Variants in CLVS1 observed in about 807,000 individuals in gnomAD.
CLVS1 encodes the protein clavesin 1.
In CLVS1, 10 loss-of-function variants were observed where a neutral mutation model predicts 33.1. The observed-to-expected ratio is 0.30, with a 90% CI of 0.19 to 0.51. The LOEUF is 0.51. CLVS1 is among the 20% of genes least tolerant of loss of function. CLVS1 has a pLI of 0.97. For missense variants in CLVS1, 343 were observed against 433.4 expected, an observed-to-expected ratio of 0.79 and a Z score of 1.85; for synonymous variants, 163 against 166.1, an observed-to-expected ratio of 0.98 and a Z score of 0.14.
chr8:61,089,480 T>C (rs764531935), intron 1 of CLVS1, among the ~76,000 whole-genome samples: 1 of 152,210 alleles, frequency 6.6e-6, no homozygotes, highest in Non-Finnish European at 1.5e-5. Context: ...ACCTGGTTTA[T>C]TATTTTTTTC....
upstream of CLVS1, among the ~76,000 whole-genome samples, chr8:61,055,526 T>C (rs534537968): frequency 6.6e-6 from 1 of 152,370 alleles, no homozygotes; most frequent in African/African-American, 2.4e-5. Context: ...GTGAGGTATA[T>C]TCTTGGTGCC....
chr8:61,035,391 T>G, the CLVS1 span, among the ~76,000 whole-genome samples: 2 of 152,154 alleles, frequency 1.3e-5, no homozygotes, highest in South Asian at 2.1e-4. Flanking sequence ...GGTAAAATGA[T>G]GAGAAGACAC....
At chr8:61,059,638 C>G (rs1457056801) in intron 1 of CLVS1, among the ~76,000 whole-genome samples, 1 of 150,954 alleles carries the variant, frequency 6.6e-6, no homozygotes, top group Non-Finnish European at 1.5e-5. Flanking sequence ...GGTGAAACCC[C>G]ATGTCTACTA....
upstream of CLVS1, among the ~76,000 whole-genome samples, chr8:61,284,289 C>T (rs138641372): frequency 0.011 from 1,633 of 152,258 alleles, 11 homozygotes; most frequent in Non-Finnish European, 0.018. Context: ...TGAATAAGTT[C>T]TGGTGTTCCA....
At chr8:61,113,220 G>C (rs1348524405) in intron 1 of CLVS1, among the ~76,000 whole-genome samples, 1 of 152,184 alleles carries the variant, frequency 6.6e-6, no homozygotes, top group Non-Finnish European at 1.5e-5. Context: ...ACATGGGGCG[G>C]GGAGTTGTGG....
intron 2 of CLVS1, among the ~76,000 whole-genome samples, chr8:61,217,541 A>G (rs1308920445): frequency 6.6e-6 from 1 of 152,220 alleles, no homozygotes; most frequent in Non-Finnish European, 1.5e-5. Flanking sequence ...TTAAACGTGT[A>G]TTATGTTCTA....
chr8:61,432,709 T>A (rs1049287301), intron 3 of CLVS1, among the ~76,000 whole-genome samples: 2 of 152,186 alleles, frequency 1.3e-5, no homozygotes, highest in Admixed American at 1.3e-4. Context: ...TATAAATAGA[T>A]ATAACAAAAA....
intron 2 of CLVS1, among the ~76,000 whole-genome samples, chr8:61,373,260 G>A (rs1467147984): frequency 6.6e-6 from 1 of 152,172 alleles, no homozygotes; most frequent in Non-Finnish European, 1.5e-5. Context: ...CTCCACACTG[G>A]CAAAGCTTCA....
chr8:61,187,272 C>A (rs1436648540), intron 2 of CLVS1, among the ~76,000 whole-genome samples: 3 of 152,020 alleles, frequency 2.0e-5, no homozygotes, highest in Non-Finnish European at 4.4e-5. Flanking sequence ...TTTAAGCATG[C>A]TAGATATCCC....
chr8:61,270,418 G>A lies in CLVS1; in HGVS notation c.-151-29259G>A, dbSNP rs188821396. On this transcript the variant is annotated intron_variant, in intron 2 of 2. Transcript: ENST00000522621. ...ATGTGCTGCTGGATTCATTTTGCCA[G>A]TATTTTATTGAGGATTTTTGCATCA... Among the ~76,000 whole-genome samples, 139 of 152,288 alleles carry A rather than the reference G, an allele frequency of 9.1e-4. 2 individuals carry two copies. The highest frequency in any genetic ancestry group is 4.3e-4 in the Non-Finnish European group (29 of 68,016).
chr8:61,153,449 C>T (rs1563423041), intron 2 of CLVS1, among the ~76,000 whole-genome samples: 1 of 152,218 alleles, frequency 6.6e-6, no homozygotes, highest in Non-Finnish European at 1.5e-5. Flanking sequence ...AGAAATGGCT[C>T]TCCCAGATGG....
chr8:61,184,149 C>A (rs1807295465), intron 2 of CLVS1, among the ~76,000 whole-genome samples: 1 of 152,104 alleles, frequency 6.6e-6, no homozygotes, highest in African/African-American at 2.4e-5. Context: ...GCCTCCAGCC[C>A]AAACTTGAGA....
At chr8:61,476,005 T>A (rs1817913001) in intron 5 of CLVS1, among the ~76,000 whole-genome samples, 1 of 152,220 alleles carries the variant, frequency 6.6e-6, no homozygotes, top group African/African-American at 2.4e-5. Context: ...AGTTTCAGCT[T>A]TCTACATATG....
At chr8:61,121,036 G>T (rs1046361655) in intron 1 of CLVS1, among the ~76,000 whole-genome samples, 5 of 151,782 alleles carry the variant, frequency 3.3e-5, no homozygotes, top group Non-Finnish European at 5.9e-5. Context: ...CTCCGTGGGC[G>T]TAGGACCCTC....
At chr8:61,122,049 A>G (rs1345757835) in intron 1 of CLVS1, among the ~76,000 whole-genome samples, 1 of 152,232 alleles carries the variant, frequency 6.6e-6, no homozygotes, top group Non-Finnish European at 1.5e-5. Flanking sequence ...GATTTGGTGA[A>G]CATTTCTTCT....
intron 4 of CLVS1, among the ~76,000 whole-genome samples, chr8:61,454,883 TATAA>T (rs1406206090): frequency 6.6e-6 from 1 of 152,214 alleles, no homozygotes; most frequent in Non-Finnish European, 1.5e-5. Context: ...TTTTCTCATT[TATAA>T]ATTGCGGAAT....
At chr8:61,351,040 A>T (rs906012408) in intron 2 of CLVS1, among the ~76,000 whole-genome samples, 17 of 152,092 alleles carry the variant, frequency 1.1e-4, no homozygotes, top group Admixed American at 4.6e-4. Flanking sequence ...AGATCATTTT[A>T]TGGGTATCCT....
intron 1 of CLVS1, among the ~76,000 whole-genome samples, chr8:61,113,968 T>C (rs1368233957): frequency 6.6e-6 from 1 of 152,192 alleles, no homozygotes; most frequent in Non-Finnish European, 1.5e-5. Context: ...ACAGCTGACT[T>C]TTGTGCAAAG....
At chr8:61,281,791 A>G (rs1483256908) in intron 2 of CLVS1, among the ~76,000 whole-genome samples, 1 of 152,092 alleles carries the variant, frequency 6.6e-6, no homozygotes, top group African/African-American at 2.4e-5. Context: ...CTGTATCCCA[A>G]CCTGCCCTTC....
Sources: gnomAD v4.1 joint callset for allele counts (sites outside exome capture counted in the v4.1 genomes callset) on GRCh38, gnomAD v4.1.1 for gene constraint, MANE v1.5 for transcripts, NCBI Gene and HGNC (gene_info 2026-07-23, HGNC 2026-07-21) for gene names.